The following TIAM1 variants were observed in gnomAD, a reference collection of about 807,000 sequenced individuals.
The protein encoded by TIAM1 is rho guanine nucleotide exchange factor TIAM1.
In TIAM1, 65 loss-of-function variants were observed where a neutral mutation model predicts 163.5. The ratio of observed to expected loss-of-function variants is 0.40; its 90% CI spans 0.33 to 0.49. The LOEUF is 0.49. Ranked by LOEUF, TIAM1 falls within the 20% of genes least tolerant of loss-of-function variation. TIAM1 has a pLI of 0.77. For synonymous variants in TIAM1, 833 were observed against 810.1 expected, an observed-to-expected ratio of 1.03 and a Z score of -0.48; for missense variants, 1,789 against 2,044.7, an observed-to-expected ratio of 0.87 and a Z score of 2.41.
intron 2 of TIAM1, among the ~76,000 whole-genome samples, chr21:31,462,717 T>C (rs2045372393): frequency 6.7e-6 from 1 of 149,356 alleles, no homozygotes; most frequent in South Asian, 2.1e-4. Flanking sequence ...CCGAACTGCC[T>C]ACCTAACCCC....
intron 1 of TIAM1, among the ~76,000 whole-genome samples, chr21:31,554,867 C>A (rs186553769): frequency 6.6e-6 from 1 of 152,260 alleles, no homozygotes; most frequent in African/African-American, 2.4e-5. Context: ...ATCTCACACA[C>A]GCACTGGAGG....
chr21:31,538,069 G>C (rs1438246890), intron 1 of TIAM1, among the ~76,000 whole-genome samples: 3 of 152,100 alleles, frequency 2.0e-5, no homozygotes, highest in Admixed American at 6.6e-5. Flanking sequence ...ATCAGGATTG[G>C]GGTTGCCCTG....
intron 2 of TIAM1, among the ~76,000 whole-genome samples, chr21:31,310,384 G>A (rs1255666820): frequency 6.6e-6 from 1 of 152,146 alleles, no homozygotes; most frequent in Admixed American, 6.6e-5. Flanking sequence ...CAGCCAGCCA[G>A]CTTTGGCCTG....
chr21:31,506,275 C>CACAA (rs1040599469), intron 1 of TIAM1, among the ~76,000 whole-genome samples: 3 of 151,794 alleles, frequency 2.0e-5, no homozygotes, highest in Middle Eastern at 3.4e-3. Flanking sequence ...CACACACACA[C>CACAA]ACACACATAT....
intron 5 of TIAM1, among the ~76,000 whole-genome samples, chr21:31,249,303 G>A (rs751326000): frequency 1.3e-5 from 2 of 152,188 alleles, no homozygotes; most frequent in Non-Finnish European, 1.5e-5. Flanking sequence ...CCAAGTCAAG[G>A]AGAGCAGTCT....
intron 4 of TIAM1, among the ~76,000 whole-genome samples, chr21:31,254,826 T>A (rs932384843): frequency 1.3e-5 from 2 of 152,014 alleles, no homozygotes; most frequent in Non-Finnish European, 2.9e-5. Flanking sequence ...AGCTAAAACC[T>A]GCAAGTGCAA....
chr21:31,254,570 C>A (rs904568054), intron 4 of TIAM1, among the ~76,000 whole-genome samples: 1 of 152,140 alleles, frequency 6.6e-6, no homozygotes, highest in African/African-American at 2.4e-5. Context: ...GTGGTGCACA[C>A]CTGTAGTCCC....
chr21:31,510,334 T>A (rs1375142328), intron 1 of TIAM1, among the ~76,000 whole-genome samples: 2 of 152,094 alleles, frequency 1.3e-5, no homozygotes, highest in Non-Finnish European at 2.9e-5. Context: ...ATGACCAAAT[T>A]TCCTCTACTC....
At chr21:31,293,713 G>A (rs970915583) in intron 2 of TIAM1, among the ~76,000 whole-genome samples, 13 of 152,218 alleles carry the variant, frequency 8.5e-5, no homozygotes. Context: ...GCTGCGAAGA[G>A]CGGCAAGTCT....
chr21:31,295,340 G>A (rs551198147), intron 2 of TIAM1, among the ~76,000 whole-genome samples: 1 of 151,968 alleles, frequency 6.6e-6, no homozygotes, highest in Non-Finnish European at 1.5e-5. Context: ...CGTGGTGGCA[G>A]GCACCTGTAG....
intron 1 of TIAM1, among the ~76,000 whole-genome samples, chr21:31,514,636 T>A (rs1266025007): frequency 6.6e-6 from 1 of 151,986 alleles, no homozygotes; most frequent in Non-Finnish European, 1.5e-5. Context: ...GAGATTGCAG[T>A]GAGCCAAGAT....
At chr21:31,160,723 G>A (rs1252039097) in intron 16 of TIAM1, 3 of 384,540 alleles carry the variant, frequency 7.8e-6, no homozygotes, top group Non-Finnish European at 4.6e-6. Flanking sequence ...CAAGGACAGC[G>A]ACGGTGAGAC....
Position 31,120,185 on chromosome 21 carries a change from C to A in TIAM1, c.*183G>T. The A allele has an allele frequency of 3.5e-6, 2 of 579,120 alleles. No individual in the cohort carries two copies. Among genetic ancestry groups the A allele is most frequent in the East Asian group, 2.9e-5 (1 of 35,056 alleles). The allele number at this position is 579,120 out of a possible 1,614,324, so 35.9% of individuals were successfully genotyped here. On this transcript the variant is annotated 3_prime_UTR_variant, in exon 28 of 28. Transcript: ENST00000541036. The surrounding 1 kb of genome is among the most constrained non-coding windows in gnomAD (Gnocchi z 4.2). ...AGCTTATTTGGGATTCTGATCAATTCTTTCTGATGTTGTTGAAAATGACAA... is the reference window on the plus strand; with the variant it reads ...AGCTTATTTGGGATTCTGATCAATTATTTCTGATGTTGTTGAAAATGACAA...
intron 2 of TIAM1, among the ~76,000 whole-genome samples, chr21:31,281,085 C>CAAA (rs748020575): frequency 5.0e-3 from 309 of 62,124 alleles, no homozygotes; most frequent in African/African-American, 6.3e-3. Context: ...GACCCTAACT[C>CAAA]AAAAAAAAAA....
intron 2 of TIAM1, among the ~76,000 whole-genome samples, chr21:31,425,717 G>A (rs1374097500): frequency 7.5e-6 from 1 of 133,472 alleles, no homozygotes; most frequent in Non-Finnish European, 1.6e-5. Flanking sequence ...TCCTTTTTGA[G>A]ACAGAGTCTC....
At chr21:31,548,371 C>A (rs764921731) in intron 1 of TIAM1, among the ~76,000 whole-genome samples, 1 of 151,926 alleles carries the variant, frequency 6.6e-6, no homozygotes, top group Non-Finnish European at 1.5e-5. Context: ...GAACTCCTGA[C>A]CTCAAGTGAT....
At chr21:31,254,771 G>C (rs2072000564) in intron 4 of TIAM1, among the ~76,000 whole-genome samples, 1 of 152,120 alleles carries the variant, frequency 6.6e-6, no homozygotes, top group Non-Finnish European at 1.5e-5. Context: ...GGCTCTTCCA[G>C]ATTTTTTCAG....
At chr21:31,312,920 T>C (rs2074983997) in intron 2 of TIAM1, among the ~76,000 whole-genome samples, 1 of 152,206 alleles carries the variant, frequency 6.6e-6, no homozygotes, top group African/African-American at 2.4e-5. Flanking sequence ...GATACAGAAA[T>C]GTGTGCCAGG....
At chr21:31,198,869 A>G (rs2086028504) in intron 12 of TIAM1, among the ~76,000 whole-genome samples, 1 of 152,208 alleles carries the variant, frequency 6.6e-6, no homozygotes, top group African/African-American at 2.4e-5. Flanking sequence ...CGCTGGCCAC[A>G]ACATCCTTAG....
Sources: allele counts gnomAD v4.1 joint callset (sites outside exome capture counted in the v4.1 genomes callset), GRCh38; gene constraint gnomAD v4.1.1; non-coding constraint Gnocchi (gnomAD v3.1); transcripts MANE v1.5; gene names NCBI Gene and HGNC (gene_info 2026-07-23, HGNC 2026-07-21).